PTPN3: variants seen among roughly 807,000 people sequenced by gnomAD.
PTPN3 encodes the protein protein tyrosine phosphatase non-receptor type 3.
PTPN3 carries 96 observed loss-of-function variants against 132.7 expected under a neutral mutation model. The ratio of observed to expected loss-of-function variants is 0.72; its 90% CI spans 0.61 to 0.86. The LOEUF (loss-of-function observed/expected upper bound fraction) is 0.86, where lower values mean the gene tolerates loss of function less well. PTPN3 is among the 40% of genes least tolerant of loss of function. The pLI is 0.00. For missense variants in PTPN3, 1,125 were observed against 1,159.6 expected, an observed-to-expected ratio of 0.97 and a Z score of 0.43; for synonymous variants, 398 against 429.0, an observed-to-expected ratio of 0.93 and a Z score of 0.89.
At chr9:109,492,965 CAAAG>C (rs1847526950) in intron 1 of PTPN3, among the ~76,000 whole-genome samples, 1 of 152,188 alleles carries the variant, frequency 6.6e-6, no homozygotes, top group Admixed American at 6.5e-5. Flanking sequence ...TTTTCCAAAC[CAAAG>C]ACCACCTAGT....
intron 1 of PTPN3, among the ~76,000 whole-genome samples, chr9:109,472,925 A>G (rs1846451581): frequency 6.6e-6 from 1 of 152,236 alleles, no homozygotes; most frequent in Non-Finnish European, 1.5e-5. Context: ...TCCTGAACCT[A>G]TATACTAAAA....
intron 1 of PTPN3, among the ~76,000 whole-genome samples, chr9:109,485,713 C>T (rs1392702861): frequency 6.6e-6 from 1 of 152,204 alleles, no homozygotes; most frequent in Middle Eastern, 3.4e-3. Context: ...TTCTCCTTCC[C>T]CTTCCACCAC....
chr9:109,449,144 C>T, intron 5 of PTPN3: 1 of 1,221,502 alleles, frequency 8.2e-7, no homozygotes, highest in Non-Finnish European at 1.0e-6. Flanking sequence ...AACAGCCCAC[C>T]AAAGATGGGC....
At chr9:109,475,846 C>T (rs989612450) in intron 1 of PTPN3, among the ~76,000 whole-genome samples, 6 of 152,326 alleles carry the variant, frequency 3.9e-5, no homozygotes, top group African/African-American at 1.4e-4. Flanking sequence ...TCCTGCCAGC[C>T]TCTGTTCCCG....
the PTPN3 span, among the ~76,000 whole-genome samples, chr9:109,528,373 T>G: frequency 1.3e-5 from 2 of 152,200 alleles, no homozygotes; most frequent in Admixed American, 6.5e-5. Flanking sequence ...CTGTGTTATG[T>G]TCATCAATGG....
At chr9:109,440,880 G>A (rs879320294) in intron 7 of PTPN3, among the ~76,000 whole-genome samples, 9 of 152,196 alleles carry the variant, frequency 5.9e-5, no homozygotes, top group Non-Finnish European at 1.0e-4. Flanking sequence ...GCCACTCTGT[G>A]CAAAGCTCTG....
intron 5 of PTPN3, chr9:109,450,786 A>G: frequency 1.0e-6 from 1 of 985,490 alleles, no homozygotes; most frequent in Non-Finnish European, 1.2e-6. Flanking sequence ...CTAACTTCAG[A>G]AATGTAATGA....
At chr9:109,382,508 C>A in intron 23 of PTPN3, 61 bp from the exon 24 acceptor site, 6 of 1,584,352 alleles carry the variant, frequency 3.8e-6, no homozygotes, top group Non-Finnish European at 5.2e-6. Flanking sequence ...GGACCCAGCC[C>A]CAACCCAGAC....
At chr9:109,380,430 A>G (rs1838967553) in intron 25 of PTPN3, among the ~76,000 whole-genome samples, 1 of 151,962 alleles carries the variant, frequency 6.6e-6, no homozygotes, top group Admixed American at 6.6e-5. Flanking sequence ...TAATTTTTGT[A>G]TTTTCATTAG....
intron 1 of PTPN3, among the ~76,000 whole-genome samples, chr9:109,467,296 C>T (rs1564469129): frequency 6.6e-6 from 1 of 151,496 alleles, no homozygotes; most frequent in African/African-American, 2.4e-5. Flanking sequence ...CACAATAGAA[C>T]CATTTCAAGT....
In PTPN3 at chr9:109,446,173, G is replaced by A. The variant is rs1039319207; in HGVS notation, c.414-881C>T. 2.6e-5 allele frequency among the ~76,000 whole-genome samples: 4 copies of A among 152,330 alleles called. No homozygotes were observed. The South Asian group carries it at 8.3e-4, about 32-fold the overall frequency. On this transcript the variant is annotated intron_variant, in intron 6 of 25. Transcript: ENST00000374541. ...CAGGAAGAAGGGCTTGAAGGGTGGG[G>A]AGGTCTCTGATAAACGGAGGAATCC...
chr9:109,408,788 A>ATATATATATATATATATAT (rs1300361920), intron 16 of PTPN3, among the ~76,000 whole-genome samples: 1 of 52,844 alleles, frequency 1.9e-5, no homozygotes, highest in Non-Finnish European at 3.9e-5. Context: ...AATTAAAAAA[A>ATATATATATATATATATAT]AAAAAAAAAT....
the PTPN3 span, among the ~76,000 whole-genome samples, chr9:109,537,164 T>TAC: frequency 1.7e-4 from 26 of 152,142 alleles, no homozygotes; most frequent in Non-Finnish European, 3.4e-4. Flanking sequence ...CAAACACAAG[T>TAC]ACACATTATT....
chr9:109,529,269 T>C, the PTPN3 span, among the ~76,000 whole-genome samples: 1 of 152,230 alleles, frequency 6.6e-6, no homozygotes, highest in Non-Finnish European at 1.5e-5. Context: ...ATCAGCTGCA[T>C]CAGCACCATC....
chr9:109,526,528 A>T, the PTPN3 span, among the ~76,000 whole-genome samples: 1 of 152,078 alleles, frequency 6.6e-6, no homozygotes, highest in Non-Finnish European at 1.5e-5. Flanking sequence ...TCAAAAAATT[A>T]GCCGACCATA....
intron 2 of PTPN3, among the ~76,000 whole-genome samples, chr9:109,459,073 A>T (rs557212828): frequency 3.9e-5 from 6 of 152,204 alleles, no homozygotes; most frequent in African/African-American, 1.4e-4. Context: ...TTCCTACTAC[A>T]TCTCCTCCTC....
At chr9:109,411,146 A>G (rs1460984114) in intron 14 of PTPN3, among the ~76,000 whole-genome samples, 1 of 152,184 alleles carries the variant, frequency 6.6e-6, no homozygotes, top group Non-Finnish European at 1.5e-5. Context: ...GTCAGAGAAC[A>G]TTTCACCACG....
At chr9:109,439,213 C>T (rs554239102) in intron 7 of PTPN3, among the ~76,000 whole-genome samples, 1 of 152,234 alleles carries the variant, frequency 6.6e-6, no homozygotes, top group East Asian at 1.9e-4. Context: ...GAGCAAAGGA[C>T]CAGGCTTATG....
the PTPN3 span, among the ~76,000 whole-genome samples, chr9:109,517,910 C>G: frequency 1.3e-5 from 2 of 152,192 alleles, no homozygotes; most frequent in Non-Finnish European, 2.9e-5. Context: ...CATTGAGTCT[C>G]CTGGCCACTC....
Sources: allele counts gnomAD v4.1 joint callset (sites outside exome capture counted in the v4.1 genomes callset), GRCh38; gene constraint gnomAD v4.1.1; transcripts MANE v1.5; gene names NCBI Gene and HGNC (gene_info 2026-07-23, HGNC 2026-07-21).